HS3ST3A1: variants seen among roughly 807,000 people sequenced by gnomAD.
HS3ST3A1 encodes the protein heparan sulfate glucosamine 3-O-sulfotransferase 3A1.
Under a neutral mutation model 25.7 loss-of-function variants are expected in HS3ST3A1, and 19 were observed. The ratio of observed to expected loss-of-function variants is 0.74; its 90% CI spans 0.52 to 1.08. HS3ST3A1 has a LOEUF of 1.08. Among genes scored for constraint, HS3ST3A1 ranks in the 50% least tolerant of loss-of-function variants. The pLI is 0.00. For synonymous variants in HS3ST3A1, 226 were observed against 278.6 expected (o/e 0.81, Z 1.88); for missense variants, 459 against 594.3 (o/e 0.77, Z 2.37).
intron 1 of HS3ST3A1, among the ~76,000 whole-genome samples, chr17:13,513,436 G>A (rs545372198): frequency 3.6e-4 from 55 of 152,276 alleles, no homozygotes; most frequent in African/African-American, 1.2e-3. Context: ...TGCAAAAAAG[G>A]TTCATTACAG....
In HS3ST3A1 at chr17:13,495,679, T is replaced by A. The variant is rs749812343; in HGVS notation, c.*518A>T. 1 of 152,934 alleles carries A rather than the reference T, an allele frequency of 6.5e-6. No individual in the cohort carries two copies. Among genetic ancestry groups the A allele is most frequent in the Non-Finnish European group, 1.5e-5 (1 of 68,610 alleles). 9.5% of individuals were successfully genotyped at this position (152,934 alleles called of 1,614,324 possible). ...ATAATATTTACCTATTGTGATCTTA[T>A]ACAACAGAGCAAGATTTATTTTTTT... is the stretch of plus-strand genomic sequence containing the variant. On this transcript the variant is annotated 3_prime_UTR_variant, in exon 2 of 2. Coordinates refer to ENST00000284110, the MANE Select transcript of HS3ST3A1 (RefSeq NM_006042.3).
At chr17:13,555,726 G>A (rs546460063) in intron 1 of HS3ST3A1, among the ~76,000 whole-genome samples, 21 of 152,246 alleles carry the variant, frequency 1.4e-4, no homozygotes, top group African/African-American at 4.8e-4. Flanking sequence ...ATAATTAACA[G>A]AAGGTGCTGA....
chr17:13,601,604 G>A lies in HS3ST3A1; in HGVS notation c.-475C>T, dbSNP rs1392218933. On this transcript the variant is annotated 5_prime_UTR_variant, in exon 1 of 2. Coordinates refer to ENST00000284110, the MANE Select transcript of HS3ST3A1 (RefSeq NM_006042.3). ...CGGCTGCCGGGCCTCTGCGCTCCGT[G>A]CGCTCCAGACAGTGGCGAGCGACAG... is the stretch of plus-strand genomic sequence containing the variant. 6.4e-6 allele frequency: 1 copy of A among 156,388 alleles called. No individual in the cohort carries two copies. The highest frequency in any genetic ancestry group is 1.4e-5 in the Non-Finnish European group (1 of 71,208). The allele number at this position is 156,388 out of a possible 1,614,324, so 9.7% of individuals were successfully genotyped here. A position where few individuals can be genotyped will look rare whatever the true frequency, so the allele number is the denominator to read the frequency against.
intron 1 of HS3ST3A1, among the ~76,000 whole-genome samples, chr17:13,538,686 T>C (rs908923256): frequency 1.3e-5 from 2 of 152,072 alleles, no homozygotes; most frequent in Non-Finnish European, 2.9e-5. Context: ...AGGAAGACTG[T>C]GCAGCATCTA....
In HS3ST3A1 at chr17:13,537,243, A is replaced by G. The variant is rs142151459; in HGVS notation, c.600-40425T>C. Among the ~76,000 whole-genome samples, 8 of 152,362 alleles carry G rather than the reference A, an allele frequency of 5.3e-5. No homozygotes were observed. The East Asian group carries it at 1.3e-3, about 26-fold the overall frequency. ...TAACAGACAGGCAGGTTAGGAATAC[A>G]ATCTTTTCTTGGATAAATAGAGTGG... On this transcript the variant is annotated intron_variant, in intron 1 of 1. Coordinates refer to ENST00000284110, the MANE Select transcript of HS3ST3A1 (RefSeq NM_006042.3).
intron 1 of HS3ST3A1, among the ~76,000 whole-genome samples, chr17:13,575,569 A>G (rs1907928866): frequency 6.6e-6 from 1 of 152,212 alleles, no homozygotes; most frequent in Non-Finnish European, 1.5e-5. Flanking sequence ...GGGGTCAATC[A>G]AAGATTTTAG....
intron 1 of HS3ST3A1, among the ~76,000 whole-genome samples, chr17:13,513,513 A>C (rs1254527630): frequency 2.0e-5 from 3 of 152,234 alleles, no homozygotes; most frequent in Non-Finnish European, 4.4e-5. Flanking sequence ...CACCGCTCCG[A>C]TATAGCATTT....
intron 1 of HS3ST3A1, among the ~76,000 whole-genome samples, chr17:13,504,834 A>T (rs558919634): frequency 6.6e-6 from 1 of 152,228 alleles, no homozygotes; most frequent in Non-Finnish European, 1.5e-5. Flanking sequence ...CTTCTCCCTC[A>T]CCTCAGGCAA....
intron 1 of HS3ST3A1, among the ~76,000 whole-genome samples, chr17:13,545,648 C>T (rs749604444): frequency 6.2e-4 from 95 of 152,176 alleles, no homozygotes; most frequent in Non-Finnish European, 1.1e-3. Context: ...CACGGAGTCC[C>T]GGGAGAAACC....
At chr17:13,600,358 T>A (rs1908685497) in intron 1 of HS3ST3A1, among the ~76,000 whole-genome samples, 173 bp downstream of exon 1, 1 of 151,220 alleles carries the variant, frequency 6.6e-6, no homozygotes, top group Non-Finnish European at 1.5e-5. Context: ...TCCTTCAACA[T>A]CCACTTCCCA....
chr17:13,566,906 G>C (rs1393158509), intron 1 of HS3ST3A1, among the ~76,000 whole-genome samples: 2 of 152,216 alleles, frequency 1.3e-5, no homozygotes, highest in African/African-American at 4.8e-5. Flanking sequence ...TGACACAGAA[G>C]TTGCAAAAAG....
At chr17:13,534,793 A>G (rs1374579142) in intron 1 of HS3ST3A1, among the ~76,000 whole-genome samples, 1 of 152,080 alleles carries the variant, frequency 6.6e-6, no homozygotes, top group Non-Finnish European at 1.5e-5. Context: ...TGTGAGGCCA[A>G]GGCAGGCAGA....
intron 1 of HS3ST3A1, among the ~76,000 whole-genome samples, chr17:13,500,391 G>A (rs764731228): frequency 6.6e-6 from 1 of 152,176 alleles, no homozygotes; most frequent in Non-Finnish European, 1.5e-5. Context: ...ACTGTGCTTT[G>A]TGTAAAAACT....
At chr17:13,525,295 C>T (rs1412585833) in intron 1 of HS3ST3A1, among the ~76,000 whole-genome samples, 2 of 152,054 alleles carry the variant, frequency 1.3e-5, no homozygotes, top group Non-Finnish European at 2.9e-5. Context: ...GTAATTTGGA[C>T]AGTTAAAAAT....
chr17:13,592,012 T>C (rs935906883), intron 1 of HS3ST3A1, among the ~76,000 whole-genome samples: 2 of 152,146 alleles, frequency 1.3e-5, no homozygotes, highest in Non-Finnish European at 2.9e-5. Context: ...AATGTCCAAG[T>C]CACTCTACCA....
intron 1 of HS3ST3A1, among the ~76,000 whole-genome samples, chr17:13,515,471 G>GGT (rs1906019691): frequency 9.3e-6 from 1 of 107,794 alleles, no homozygotes; most frequent in Non-Finnish European, 1.8e-5. Context: ...GTTTGTTTCA[G>GGT]TTTTTTTTTT....
At position 13,495,971 on chromosome 17, in the gene HS3ST3A1, GA is replaced by G; in HGVS notation, c.*225del. 1 of 480,228 alleles carries G rather than the reference GA, an allele frequency of 2.1e-6. No homozygotes were observed. Among genetic ancestry groups the G allele is most frequent in the Non-Finnish European group, 3.5e-6 (1 of 284,530 alleles). 29.7% of individuals were successfully genotyped at this position (480,228 alleles called of 1,614,324 possible). ...GTATATAGAACATAAAATAAAAACT[GA>G]AAATTGAAAGTGTTTAGACGAGTGA... On this transcript the variant is annotated 3_prime_UTR_variant, in exon 2 of 2. Coordinates refer to ENST00000284110, the MANE Select transcript of HS3ST3A1 (RefSeq NM_006042.3).
At chr17:13,578,433 G>A (rs1200471034) in intron 1 of HS3ST3A1, among the ~76,000 whole-genome samples, 2 of 151,364 alleles carry the variant, frequency 1.3e-5, no homozygotes, top group Non-Finnish European at 2.9e-5. Context: ...CTTGGTGGTG[G>A]GCGCCTGTAG....
intron 1 of HS3ST3A1, among the ~76,000 whole-genome samples, chr17:13,566,854 C>T (rs1490483533): frequency 6.6e-6 from 1 of 152,084 alleles, no homozygotes; most frequent in African/African-American, 2.4e-5. Flanking sequence ...AAAAAAGAAG[C>T]CATCTCCATA....
Sources: gnomAD v4.1 joint callset for allele counts (sites outside exome capture counted in the v4.1 genomes callset) on GRCh38, gnomAD v4.1.1 for gene constraint, MANE v1.5 for transcripts, NCBI Gene and HGNC (gene_info 2026-07-23, HGNC 2026-07-21) for gene names.